The following AGPAT4 variants were observed in gnomAD, a reference collection of about 807,000 sequenced individuals.
AGPAT4 encodes 1-acylglycerol-3-phosphate O-acyltransferase 4, also known as 1-acyl-sn-glycerol-3-phosphate acyltransferase delta.
A neutral mutation model predicts 48.0 loss-of-function variants in AGPAT4; 15 were observed. The observed-to-expected ratio is 0.31, with a 90% CI of 0.21 to 0.48. The LOEUF (loss-of-function observed/expected upper bound fraction) is 0.48. Among genes scored for constraint, AGPAT4 ranks in the 20% least tolerant of loss-of-function variants. The pLI, the probability that AGPAT4 is intolerant of heterozygous loss-of-function variation, is 0.99. For missense variants in AGPAT4, 314 were observed against 482.5 expected (o/e 0.65, Z 3.27); for synonymous variants, 178 against 198.7 (o/e 0.90, Z 0.88).
Position 161,226,375 on chromosome 6 carries a change from G to A in AGPAT4, c.178+5661C>T, listed in dbSNP as rs1012475051. ...GCCCTGTCATTAATCAGGCAGGGAG[G>A]AGAAGCATAGAGGAAGCCGGCTGCA... On this transcript the variant is annotated intron_variant, in intron 2 of 8. Coordinates refer to ENST00000320285, the MANE Select transcript of AGPAT4 (RefSeq NM_020133.3). The surrounding 1 kb of genome is among the most constrained non-coding windows in gnomAD (Gnocchi z 6.3). 2.6e-5 allele frequency among the ~76,000 whole-genome samples: 4 copies of A among 152,224 alleles called. No individual in the cohort carries two copies. Among genetic ancestry groups the A allele is most frequent in the Non-Finnish European group, 5.9e-5 (4 of 68,046 alleles).
chr6:161,183,552 G>A (rs1325174774), intron 2 of AGPAT4, among the ~76,000 whole-genome samples: 3 of 148,430 alleles, frequency 2.0e-5, no homozygotes, highest in Non-Finnish European at 4.5e-5. Flanking sequence ...CCCAGGAGGT[G>A]GAGGCTGCAG....
In AGPAT4 at chr6:161,236,784, C is replaced by A. The variant is rs7746735; in HGVS notation, c.-89-4482G>T. ...GGATGTGGTGGTGGGTGTCTGTAAT[C>A]CCAGCTACTCGGGAGGCTGAGGCAG... On this transcript the variant is annotated intron_variant, in intron 1 of 8. Transcript: ENST00000320285. This position sits in a 1 kb window ranked among gnomAD's most constrained non-coding sequence, Gnocchi z 5.0. Among the ~76,000 whole-genome samples, 30,638 of 151,660 alleles carry A rather than the reference C, an allele frequency of 0.2. 3,980 individuals carry two copies. Among genetic ancestry groups the A allele is most frequent in the African/African-American group, 0.37 (15,119 of 41,272 alleles).
rs1191342895 is a variant in AGPAT4, at chr6:161,246,733, A to C, written c.-89-14431T>G. ...GGTAAGTACCATGCCCAATAAACTA[A>C]AGCACTTACTGAGTAATATACCCTG... On this transcript the variant is annotated intron_variant, in intron 1 of 8. Coordinates refer to ENST00000320285, the MANE Select transcript of AGPAT4 (RefSeq NM_020133.3). This position sits in a 1 kb window ranked among gnomAD's most constrained non-coding sequence, Gnocchi z 5.5. Among the ~76,000 whole-genome samples, 1 of 152,148 alleles carries C rather than the reference A, an allele frequency of 6.6e-6. No homozygotes were observed. Among genetic ancestry groups the C allele is most frequent in the African/African-American group, 2.4e-5 (1 of 41,422 alleles).
intron 2 of AGPAT4, among the ~76,000 whole-genome samples, chr6:161,176,269 C>T (rs1654596931): frequency 6.6e-6 from 1 of 152,132 alleles, no homozygotes; most frequent in South Asian, 2.1e-4. Context: ...GTGTGGGAGT[C>T]TAAGTCTCTT....
At chr6:161,170,293 T>C (rs188711274) in intron 2 of AGPAT4, among the ~76,000 whole-genome samples, 79 of 152,244 alleles carry the variant, frequency 5.2e-4, no homozygotes, top group African/African-American at 1.9e-3. Context: ...AATGAGATGA[T>C]GTCTACATAT....
chr6:161,174,682 T>C (rs1215560882), intron 2 of AGPAT4, among the ~76,000 whole-genome samples: 1 of 152,194 alleles, frequency 6.6e-6, no homozygotes, highest in East Asian at 1.9e-4. Flanking sequence ...TCCAACACTA[T>C]GTTGAATAGG....
rs1255360872 is a variant in AGPAT4 at position 161,180,306 on chromosome 6, A to T, written c.179-13889T>A. 6.6e-6 allele frequency among the ~76,000 whole-genome samples: 1 copy of T among 152,152 alleles called. No homozygotes were observed. Among genetic ancestry groups the T allele is most frequent in the Non-Finnish European group, 1.5e-5 (1 of 68,008 alleles). ...CTCTGCAGCCCATCCCAGAAGTGCC[A>T]TGGAGAATTTCTACTAAAACAGGGG... On this transcript the variant is annotated intron_variant, in intron 2 of 8. Transcript: ENST00000320285. The surrounding 1 kb of genome is among the most constrained non-coding windows in gnomAD (Gnocchi z 6.4).
At chr6:161,172,023 T>G (rs920606444) in intron 2 of AGPAT4, among the ~76,000 whole-genome samples, 8 of 152,148 alleles carry the variant, frequency 5.3e-5, no homozygotes, top group African/African-American at 1.9e-4. Flanking sequence ...CTAACACATA[T>G]TAAACAACCA....
rs1371882336 is a variant in AGPAT4, at chr6:161,166,059, T to C, written c.348+189A>G. 1 of 720,434 alleles carries C rather than the reference T, an allele frequency of 1.4e-6. No homozygotes were observed. The highest frequency in any genetic ancestry group is 2.3e-6 in the Non-Finnish European group (1 of 431,348). The allele number at this position is 720,434 out of a possible 1,614,324, so 44.6% of individuals were successfully genotyped here. A position where few individuals can be genotyped will look rare whatever the true frequency, so the allele number is the denominator to read the frequency against. The stretch of plus-strand genomic sequence containing the variant: ...GGTAGCAATTGTTGAGTACCTCTTA[T>C]GATTGCCCATAAGAAGCTGTTAAGA... On this transcript the variant is annotated intron_variant, in intron 3 of 8. Coordinates refer to ENST00000320285, the MANE Select transcript of AGPAT4 (RefSeq NM_020133.3). This position sits in a 1 kb window ranked among gnomAD's most constrained non-coding sequence, Gnocchi z 6.7.
In AGPAT4 at chr6:161,187,637, G is replaced by A. The variant is rs576344795; in HGVS notation, c.179-21220C>T. ...CAGCTCACCGCAACCTCTACCTCTC[G>A]CGTTCAAATTCTCCTGCCTCAGCCT... On this transcript the variant is annotated intron_variant, in intron 2 of 8. Coordinates refer to ENST00000320285, the MANE Select transcript of AGPAT4 (RefSeq NM_020133.3). Among the ~76,000 whole-genome samples, 121 of 151,826 alleles carry A rather than the reference G, an allele frequency of 8.0e-4. 1 individual carries two copies. Among genetic ancestry groups the A allele is most frequent in the African/African-American group, 2.8e-3 (114 of 41,368 alleles).
rs1302045097 is a variant in AGPAT4, at chr6:161,235,160, T to C, written c.-89-2858A>G. ...TTTGCAGCTCTGCCCTGTCTCTTAT[T>C]AGTTGTGTATTGGTACCCTATTTTG... is the stretch of plus-strand genomic sequence containing the variant. On this transcript the variant is annotated intron_variant, in intron 1 of 8. Transcript: ENST00000320285. The surrounding 1 kb of genome is among the most constrained non-coding windows in gnomAD (Gnocchi z 6.2). Among the ~76,000 whole-genome samples, 1 of 152,186 alleles carries C rather than the reference T, an allele frequency of 6.6e-6. No individual in the cohort carries two copies. The highest frequency in any genetic ancestry group is 1.5e-5 in the Non-Finnish European group (1 of 68,042).
Position 161,142,684 on chromosome 6 carries a change from G to A in AGPAT4, c.844-3064C>T, listed in dbSNP as rs73595024. Among the ~76,000 whole-genome samples, 9,422 of 152,214 alleles carry A rather than the reference G, an allele frequency of 0.062. 850 individuals carry two copies. The highest frequency in any genetic ancestry group is 0.2 in the African/African-American group (8,159 of 41,520). The stretch of plus-strand genomic sequence containing the variant: ...AACGGGAGGAAGAACAGGAAAGAAC[G>A]AAGAATAGAAGAGAAAGTTGAGGAA... On this transcript the variant is annotated intron_variant, in intron 7 of 8. Coordinates refer to ENST00000320285, the MANE Select transcript of AGPAT4 (RefSeq NM_020133.3). The surrounding 1 kb of genome is among the most constrained non-coding windows in gnomAD (Gnocchi z 6.4).
In AGPAT4 at chr6:161,244,499, A is replaced by G. The variant is rs1395532894; in HGVS notation, c.-89-12197T>C. 6.6e-6 allele frequency among the ~76,000 whole-genome samples: 1 copy of G among 152,206 alleles called. No homozygotes were observed. Among genetic ancestry groups the G allele is most frequent in the East Asian group, 1.9e-4 (1 of 5,200 alleles). ...TCATTTAGTATTTTCATGTTTAATA[A>G]CCATTGGGGAAAGGGTTACAAGCGT... On this transcript the variant is annotated intron_variant, in intron 1 of 8. Transcript: ENST00000320285. This position sits in a 1 kb window ranked among gnomAD's most constrained non-coding sequence, Gnocchi z 4.7.
rs577362083 is a variant in AGPAT4, at chr6:161,221,866, T to C, written c.178+10170A>G. 2.4e-4 allele frequency among the ~76,000 whole-genome samples: 37 copies of C among 152,336 alleles called. No homozygotes were observed. The highest frequency in any genetic ancestry group is 3.4e-3 in the Middle Eastern group (1 of 294). On this transcript the variant is annotated intron_variant, in intron 2 of 8. Transcript: ENST00000320285. The surrounding 1 kb of genome is among the most constrained non-coding windows in gnomAD (Gnocchi z 4.5). ...GTGTCCACATTTTATAAAGACGCAG[T>C]CTTGTGGGATTAGGGCATACCCTAA... is the stretch of plus-strand genomic sequence containing the variant.
rs551037211 is a variant in AGPAT4 at position 161,197,016 on chromosome 6, A to G, written c.179-30599T>C. Among the ~76,000 whole-genome samples, 4 of 152,278 alleles carry G rather than the reference A, an allele frequency of 2.6e-5. No individual in the cohort carries two copies. The East Asian group carries it at 7.7e-4, about 29-fold the overall frequency. ...GTGTCCTCTTGGAATTCTGTGTCCAATGGAGGAGGCAGTAATAGAAGCGCA... is the reference window on the plus strand; with the variant it reads ...GTGTCCTCTTGGAATTCTGTGTCCAGTGGAGGAGGCAGTAATAGAAGCGCA... On this transcript the variant is annotated intron_variant, in intron 2 of 8. Transcript: ENST00000320285. The surrounding 1 kb of genome is among the most constrained non-coding windows in gnomAD (Gnocchi z 5.7).
intron 3 of AGPAT4, chr6:161,160,574 C>T: frequency 5.4e-6 from 1 of 184,644 alleles, no homozygotes; most frequent in Non-Finnish European, 1.2e-5. Flanking sequence ...GTTTACCAGG[C>T]CCCAAACTAT....
Position 161,201,553 on chromosome 6 carries a change from T to C in AGPAT4, c.178+30483A>G, listed in dbSNP as rs1378064509. On this transcript the variant is annotated intron_variant, in intron 2 of 8. Coordinates refer to ENST00000320285, the MANE Select transcript of AGPAT4 (RefSeq NM_020133.3). The surrounding 1 kb of genome is among the most constrained non-coding windows in gnomAD (Gnocchi z 6.0). Reference sequence around the variant, plus strand: ...ATCTGCGATGTCCCAGGAACTCTCCTGCAATACAGAGCCTCTGTCTTCTTC... The same window carrying C: ...ATCTGCGATGTCCCAGGAACTCTCCCGCAATACAGAGCCTCTGTCTTCTTC... Among the ~76,000 whole-genome samples, 1 of 152,242 alleles carries C rather than the reference T, an allele frequency of 6.6e-6. No homozygotes were observed. The highest frequency in any genetic ancestry group is 1.5e-5 in the Non-Finnish European group (1 of 68,044).
chr6:161,257,957 C>T (rs1173033321), intron 1 of AGPAT4, among the ~76,000 whole-genome samples: 3 of 152,144 alleles, frequency 2.0e-5, no homozygotes, highest in Non-Finnish European at 4.4e-5. Flanking sequence ...CACCCAGTAA[C>T]GGTACCAATG....
chr6:161,269,404 C>T (rs958112289), intron 1 of AGPAT4, among the ~76,000 whole-genome samples: 39 of 152,296 alleles, frequency 2.6e-4, no homozygotes, highest in African/African-American at 8.9e-4. Flanking sequence ...ACAGTTTATG[C>T]TGTGTGTGAA....
Sources: allele counts gnomAD v4.1 joint callset (sites outside exome capture counted in the v4.1 genomes callset), GRCh38; gene constraint gnomAD v4.1.1; non-coding constraint Gnocchi (gnomAD v3.1); transcripts MANE v1.5; gene names NCBI Gene and HGNC (gene_info 2026-07-23, HGNC 2026-07-21).